FGGY: variants seen among roughly 807,000 people sequenced by gnomAD.
FGGY encodes the protein FGGY carbohydrate kinase domain containing.
FGGY carries 72 observed loss-of-function variants against 71.3 expected under a neutral mutation model. The observed-to-expected ratio is 1.01, with a 90% CI of 0.84 to 1.23. FGGY has a LOEUF of 1.23. FGGY is among the 50% of genes most tolerant of loss of function. The probability of loss-of-function intolerance (pLI) is 0.00; values close to 1 mark genes in which losing one functional copy is unlikely to be tolerated. For synonymous variants in FGGY, 251 were observed against 250.3 expected, an observed-to-expected ratio of 1.00 and a Z score of -0.02; for missense variants, 668 against 682.3, an observed-to-expected ratio of 0.98 and a Z score of 0.23.
intron 4 of FGGY, among the ~76,000 whole-genome samples, chr1:59,364,072 G>A (rs2056130770): frequency 6.6e-6 from 1 of 152,206 alleles, no homozygotes; most frequent in African/African-American, 2.4e-5. Context: ...AGTTTGGGTT[G>A]AAGGACATTT....
At chr1:59,634,405 G>T (rs2096936716) in intron 10 of FGGY, among the ~76,000 whole-genome samples, 1 of 151,864 alleles carries the variant, frequency 6.6e-6, no homozygotes, top group Non-Finnish European at 1.5e-5. Flanking sequence ...GACTCTGTCT[G>T]GAAAAAAAGA....
chr1:59,360,250 C>T (rs1367731952), intron 4 of FGGY, among the ~76,000 whole-genome samples: 1 of 152,016 alleles, frequency 6.6e-6, no homozygotes, highest in Non-Finnish European at 1.5e-5. Context: ...CCCTGAAACT[C>T]TCCTTCGTGC....
chr1:59,486,889 C>T (rs1201776005), intron 6 of FGGY, among the ~76,000 whole-genome samples: 1 of 152,178 alleles, frequency 6.6e-6, no homozygotes. Flanking sequence ...AAGCTATCTC[C>T]AGTAAGTCTA....
At chr1:59,749,727 C>T (rs2098229561) in intron 14 of FGGY, among the ~76,000 whole-genome samples, 1 of 152,142 alleles carries the variant, frequency 6.6e-6, no homozygotes, top group African/African-American at 2.4e-5. Flanking sequence ...TATATGCTGG[C>T]ATTGTTGTGT....
intron 5 of FGGY, among the ~76,000 whole-genome samples, chr1:59,418,841 T>C (rs1521784): frequency 0.43 from 64,683 of 151,914 alleles, 15,455 homozygotes; most frequent in African/African-American, 0.65. Context: ...AAAAGCAGCC[T>C]AAGACAGGCC....
intron 2 of FGGY, among the ~76,000 whole-genome samples, chr1:59,334,052 G>T (rs2048991642): frequency 6.6e-6 from 1 of 152,210 alleles, no homozygotes; most frequent in Non-Finnish European, 1.5e-5. Context: ...TTCTGGCTCT[G>T]CAATCTACTG....
intron 5 of FGGY, among the ~76,000 whole-genome samples, chr1:59,426,426 G>A (rs113375911): frequency 0.015 from 2,354 of 152,246 alleles, 44 homozygotes; most frequent in Non-Finnish European, 0.026. Context: ...AGTCAAGGAG[G>A]ATGAATGAAG....
At chr1:59,630,756 A>G (rs2096900957) in intron 10 of FGGY, among the ~76,000 whole-genome samples, 1 of 152,206 alleles carries the variant, frequency 6.6e-6, no homozygotes, top group South Asian at 2.1e-4. Context: ...ACTCAGAGAA[A>G]CAACAGTATC....
chr1:59,565,736 A>G (rs1412174821), intron 8 of FGGY, among the ~76,000 whole-genome samples: 1 of 152,178 alleles, frequency 6.6e-6, no homozygotes, highest in African/African-American at 2.4e-5. Context: ...TACACAGCAG[A>G]TCTTTCCCAG....
intron 5 of FGGY, among the ~76,000 whole-genome samples, chr1:59,406,761 C>T (rs1024319749): frequency 1.3e-5 from 2 of 152,154 alleles, no homozygotes; most frequent in African/African-American, 2.4e-5. Context: ...TATCTTTCTC[C>T]TTTTCTCCTT....
At chr1:59,300,727 T>G (rs1392487998) in intron 1 of FGGY, among the ~76,000 whole-genome samples, 1 of 152,226 alleles carries the variant, frequency 6.6e-6, no homozygotes, top group Non-Finnish European at 1.5e-5. Context: ...CAGCACTGTT[T>G]GCTGAAAAGC....
chr1:59,602,246 T>A (rs1210327263), intron 8 of FGGY, among the ~76,000 whole-genome samples: 1 of 152,222 alleles, frequency 6.6e-6, no homozygotes, highest in Non-Finnish European at 1.5e-5. Flanking sequence ...TTACTAGCTA[T>A]TTGACCTCCT....
intron 14 of FGGY, among the ~76,000 whole-genome samples, chr1:59,685,987 C>A (rs2153993961): frequency 6.6e-6 from 1 of 152,298 alleles, no homozygotes; most frequent in East Asian, 1.9e-4. Context: ...ATACCAAATT[C>A]TAAAATCATT....
chr1:59,622,080 G>T lies in FGGY; in HGVS notation c.1012-3908G>T, dbSNP rs115860262. ...TCATTCTCACGAGGACACTTTTGTT[G>T]GTCATCTCCAATCAGCTCTTAGGCC... On this transcript the variant is annotated intron_variant, in intron 9 of 15. Coordinates refer to ENST00000303721, the MANE Select transcript of FGGY (RefSeq NM_018291.5). Among the ~76,000 whole-genome samples, 1,154 of 151,550 alleles carry T rather than the reference G, an allele frequency of 7.6e-3. 18 individuals are homozygous for T. Among genetic ancestry groups the T allele is most frequent in the African/African-American group, 0.027 (1,101 of 41,344 alleles).
At chr1:59,390,496 G>GT (rs2060569794) in intron 5 of FGGY, among the ~76,000 whole-genome samples, 1 of 152,162 alleles carries the variant, frequency 6.6e-6, no homozygotes, top group African/African-American at 2.4e-5. Flanking sequence ...AGTGGGTGTG[G>GT]TGCATACAAA....
intron 6 of FGGY, among the ~76,000 whole-genome samples, chr1:59,463,636 A>G (rs939791875): frequency 6.6e-6 from 1 of 151,930 alleles, no homozygotes; most frequent in African/African-American, 2.4e-5. Context: ...GCAGAGACAC[A>G]CATAGGCTCA....
At chr1:59,760,785 A>G (rs965714360) in intron 15 of FGGY, among the ~76,000 whole-genome samples, 2 of 152,220 alleles carry the variant, frequency 1.3e-5, no homozygotes, top group African/African-American at 4.8e-5. Flanking sequence ...TTGTAAATCA[A>G]GTGTGTGTGA....
chr1:59,346,245 A>G lies in FGGY; in HGVS notation c.314-2A>G. 1 of 1,612,844 alleles carries G rather than the reference A, an allele frequency of 6.2e-7. No individual in the cohort carries two copies. The highest frequency in any genetic ancestry group is 8.5e-7 in the Non-Finnish European group (1 of 1,179,586). On this transcript the variant is annotated splice_acceptor_variant, in intron 3 of 15. Transcript: ENST00000303721. LOFTEE classifies it high-confidence loss of function. ...TCTGCATCTCCCTCTCGTTTCTGCT[A>G]GGGGATTCCCATCGAAACGTCATCA...
chr1:59,506,718 G>A (rs2094393464), intron 6 of FGGY, among the ~76,000 whole-genome samples: 1 of 152,154 alleles, frequency 6.6e-6, no homozygotes, highest in Non-Finnish European at 1.5e-5. Flanking sequence ...AGAATCGCTT[G>A]AACCTGGGAG....
Sources: gnomAD v4.1 joint callset for allele counts (sites outside exome capture counted in the v4.1 genomes callset) on GRCh38, gnomAD v4.1.1 for gene constraint, MANE v1.5 for transcripts, NCBI Gene and HGNC (gene_info 2026-07-23, HGNC 2026-07-21) for gene names.